Variants in CABIN1 observed in about 807,000 individuals in gnomAD.
CABIN1 encodes calcineurin-binding protein cabin-1.
CABIN1 carries 133 observed loss-of-function variants against 227.7 expected under a neutral mutation model. The observed-to-expected ratio is 0.58, with a 90% CI of 0.51 to 0.67. The LOEUF (loss-of-function observed/expected upper bound fraction) is 0.67, where lower values mean the gene tolerates loss of function less well. CABIN1 is among the 30% of genes least tolerant of loss of function. The pLI is 0.00. For missense variants in CABIN1, 2,408 were observed against 2,852.5 expected, an observed-to-expected ratio of 0.84 and a Z score of 3.55; for synonymous variants, 1,086 against 1,155.1, an observed-to-expected ratio of 0.94 and a Z score of 1.21.
chr22:24,055,726 G>T (rs1263177129), intron 9 of CABIN1, among the ~76,000 whole-genome samples: 2 of 152,210 alleles, frequency 1.3e-5, no homozygotes, highest in African/African-American at 4.8e-5. Context: ...GAATAAACAT[G>T]TACATGGTTG....
intron 29 of CABIN1, among the ~76,000 whole-genome samples, chr22:24,141,226 A>G (rs1432646736): frequency 6.6e-6 from 1 of 152,196 alleles, no homozygotes; most frequent in Non-Finnish European, 1.5e-5. Context: ...GCAGCCTGAG[A>G]TGTGGATGGT....
chr22:24,166,843 G>A lies in CABIN1; in HGVS notation c.5212G>A (p.Gly1738Arg). ...LNHRPVAMDAGDSADQSGERK... is the reference protein window; with the variant it reads ...LNHRPVAMDARDSADQSGERK... ...CCACCGGCCTGTGGCCATGGATGCA[G>A]GAGACAGTGCAGACCAAAGCGGGGA... The change falls in exon 32 of 37, where the codon GGA (glycine) becomes AGA (arginine). Residue 1738 changes from glycine (G) to arginine (R), a missense_variant. By Grantham distance (125) the Gly-to-Arg change is moderately radical. This residue lies in a region of CABIN1 where 714 missense variants were observed against 773.8 expected (regional missense o/e 0.92). Transcript: ENST00000263119. 1 of 1,612,984 alleles carries A rather than the reference G, an allele frequency of 6.2e-7. No individual in the cohort carries two copies. Among genetic ancestry groups the A allele is most frequent in the Non-Finnish European group, 8.5e-7 (1 of 1,179,936 alleles).
intron 4 of CABIN1, among the ~76,000 whole-genome samples, chr22:24,038,667 G>A (rs1036420053): frequency 2.0e-5 from 3 of 152,224 alleles, no homozygotes; most frequent in Non-Finnish European, 2.9e-5. Context: ...AGTGAAGCAT[G>A]TAAAATGATT....
At chr22:24,018,280 T>G (rs1041768044) in intron 1 of CABIN1, among the ~76,000 whole-genome samples, 11 of 152,210 alleles carry the variant, frequency 7.2e-5, no homozygotes, top group African/African-American at 2.7e-4. Context: ...TTAAATTTTT[T>G]TTTGTCATGC....
chr22:24,128,924 C>G (rs1183305118), intron 28 of CABIN1, among the ~76,000 whole-genome samples: 1 of 152,192 alleles, frequency 6.6e-6, no homozygotes, highest in Non-Finnish European at 1.5e-5. Context: ...ACCATCTGTC[C>G]CTTGTGGATT....
intron 26 of CABIN1, among the ~76,000 whole-genome samples, chr22:24,110,690 G>GTTTTTTCT: frequency 6.6e-6 from 1 of 151,944 alleles, no homozygotes; most frequent in African/African-American, 2.4e-5. Context: ...AGAATCTTGA[G>GTTTTTTCT]TTGATTATTT....
At chr22:24,153,887 G>A (rs1370930638) in intron 29 of CABIN1, among the ~76,000 whole-genome samples, 2 of 152,196 alleles carry the variant, frequency 1.3e-5, no homozygotes, top group Non-Finnish European at 2.9e-5. Context: ...CCCTCCTGCT[G>A]TGATAGCCAG....
chr22:24,078,291 T>A (rs1044471084), intron 19 of CABIN1, among the ~76,000 whole-genome samples: 2 of 152,214 alleles, frequency 1.3e-5, no homozygotes, highest in Admixed American at 6.5e-5. Flanking sequence ...GACAGACTGC[T>A]GCCCAGTTGT....
At chr22:24,055,601 T>A (rs1013963759) in intron 9 of CABIN1, among the ~76,000 whole-genome samples, 3 of 152,192 alleles carry the variant, frequency 2.0e-5, no homozygotes, top group Admixed American at 2.0e-4. Context: ...ACCATATGTT[T>A]TATTGATTTT....
intron 23 of CABIN1, 24 bp from the exon 24 acceptor site, chr22:24,091,559 C>T: frequency 1.2e-6 from 2 of 1,614,066 alleles, no homozygotes; most frequent in South Asian, 1.1e-5. Flanking sequence ...GTAAGGCCAG[C>T]CCAGTCTCAT....
chr22:24,076,320 C>G lies in CABIN1; in HGVS notation c.2748+36C>G, dbSNP rs200481429. ...CCCCTTGGGCTGCAGACTGCCAGTG[C>G]GGGGCAGGGCTGGGGTGGGAGGTGG... On this transcript the variant is annotated intron_variant, in intron 19 of 36. Transcript: ENST00000263119. 5.3e-4 allele frequency: 814 copies of G among 1,540,166 alleles called. 1 individual carries two copies. Among genetic ancestry groups the G allele is most frequent in the Non-Finnish European group, 6.7e-4 (747 of 1,112,686 alleles).
In CABIN1 at chr22:24,178,075, C is replaced by T. The variant is rs768902651; in HGVS notation, c.6542C>T (p.Ser2181Phe). ...KLKSAILSAQ[S>F]AANVRKESLC... ...CAGTCAGCCATCCTTTCTGCCCAGT[C>T]TGCTGCCAACGTGAGGAAGGAGAGC... Residue 2181 changes from serine to phenylalanine, a missense_variant, in exon 37 of 37, where the codon TCT becomes TTT. Ser to Phe is a radical substitution (Grantham distance 155). Around this residue, in one of 3 missense-constraint regions of CABIN1, gnomAD observed 714 missense variants for 773.8 expected, o/e 0.92. Transcript: ENST00000263119. 1.1e-5 allele frequency: 17 copies of T among 1,613,668 alleles called. No individual in the cohort carries two copies. Among genetic ancestry groups the T allele is most frequent in the Admixed American group, 1.7e-5 (1 of 60,004 alleles).
intron 6 of CABIN1, 89 bp from the exon 7 acceptor site, chr22:24,049,002 T>C: frequency 6.8e-7 from 1 of 1,476,468 alleles, no homozygotes; most frequent in Middle Eastern, 1.7e-4. Context: ...TCTTTGATTC[T>C]AGGAGCAGGA....
At chr22:24,156,438 C>G in intron 29 of CABIN1, 1 of 217,396 alleles carries the variant, frequency 4.6e-6, no homozygotes, top group Non-Finnish European at 9.0e-6. Flanking sequence ...CACGCGCCAG[C>G]GCATCCAGCC....
At chr22:24,144,622 G>A (rs771543877) in intron 29 of CABIN1, among the ~76,000 whole-genome samples, 7 of 152,234 alleles carry the variant, frequency 4.6e-5, no homozygotes, top group Non-Finnish European at 8.8e-5. Flanking sequence ...GCCCCAATTT[G>A]TAGAAACCAC....
At chr22:24,054,534 GGAGGA>G (rs2038628586) in intron 8 of CABIN1, among the ~76,000 whole-genome samples, 1 of 152,180 alleles carries the variant, frequency 6.6e-6, no homozygotes, top group South Asian at 2.1e-4. Flanking sequence ...ACCTTCCTGA[GGAGGA>G]GTTTTTGAAG....
At chr22:24,028,519 C>T (rs761146629) in intron 1 of CABIN1, among the ~76,000 whole-genome samples, 7 of 152,140 alleles carry the variant, frequency 4.6e-5, no homozygotes, top group Admixed American at 3.3e-4. Flanking sequence ...GGATGCTGGT[C>T]GTGGAGAAAG....
intron 1 of CABIN1, among the ~76,000 whole-genome samples, chr22:24,024,232 A>C (rs2035924709): frequency 6.6e-6 from 1 of 152,032 alleles, no homozygotes; most frequent in Non-Finnish European, 1.5e-5. Context: ...TTTAGGGTAC[A>C]TGTGCACATT....
At chr22:24,049,863 C>G (rs1395224659) in intron 7 of CABIN1, among the ~76,000 whole-genome samples, 2 of 152,132 alleles carry the variant, frequency 1.3e-5, no homozygotes, top group African/African-American at 4.8e-5. Flanking sequence ...CGCCATTGCC[C>G]CTCCTTTGCC....
Sources: allele counts gnomAD v4.1 joint callset (sites outside exome capture counted in the v4.1 genomes callset), GRCh38; gene constraint gnomAD v4.1.1; regional missense constraint gnomAD v4.1.1; transcripts MANE v1.5; gene names NCBI Gene and HGNC (gene_info 2026-07-23, HGNC 2026-07-21).